Variants in RABGAP1L observed in about 807,000 individuals in gnomAD.
RABGAP1L encodes the protein rab GTPase-activating protein 1-like.
A neutral mutation model predicts 137.7 loss-of-function variants in RABGAP1L; 63 were observed. That is an observed-to-expected ratio of 0.46 (90% CI 0.37 to 0.56). The LOEUF (loss-of-function observed/expected upper bound fraction) is 0.56. RABGAP1L is among the 20% of genes least tolerant of loss of function. The pLI is 0.00. For synonymous variants in RABGAP1L, 431 were observed against 433.7 expected (o/e 0.99, Z 0.08); for missense variants, 1,095 against 1,244.0 (o/e 0.88, Z 1.80).
chr1:174,198,279 C>A (rs945410460), intron 1 of RABGAP1L, among the ~76,000 whole-genome samples: 4 of 152,014 alleles, frequency 2.6e-5, no homozygotes, highest in Admixed American at 2.6e-4. Context: ...TGGTTTAGAT[C>A]TTGTTTATAA....
chr1:174,265,544 GAA>G (rs1048423205), intron 7 of RABGAP1L, among the ~76,000 whole-genome samples: 11 of 104,050 alleles, frequency 1.1e-4, no homozygotes, highest in Admixed American at 2.0e-4. Flanking sequence ...AGCCTGTCTT[GAA>G]AAAAAAAAAA....
In RABGAP1L at chr1:174,250,630, T is replaced by C. The variant is rs755643286; in HGVS notation, c.873T>C (p.Phe291=). 8.1e-6 allele frequency: 13 copies of C among 1,612,334 alleles called. No homozygotes were observed. The highest frequency in any genetic ancestry group is 1.3e-5 in the African/African-American group (1 of 74,864). ...EVKEDDGKGN[F]SPVPKDRDKF... ...AAGAAGACGATGGAAAAGGAAACTT[T>C]AGGTGAGGCATTTGGAAAGATTAAA... The change falls in exon 6 of 26, where the codon TTT becomes TTC. Residue 291 remains phenylalanine, a splice_region_variant and synonymous_variant. Transcript: ENST00000681986.
At chr1:174,587,834 A>G (rs1669237902) in intron 13 of RABGAP1L, among the ~76,000 whole-genome samples, 2 of 152,148 alleles carry the variant, frequency 1.3e-5, no homozygotes, top group African/African-American at 4.8e-5. Flanking sequence ...TGTGTTATAA[A>G]CATTCCAATT....
intron 18 of RABGAP1L, among the ~76,000 whole-genome samples, chr1:174,759,283 TAAAAAAAA>T (rs59159307): frequency 3.8e-5 from 5 of 130,686 alleles, no homozygotes; most frequent in African/African-American, 5.7e-5. Flanking sequence ...GTAATTTATT[TAAAAAAAA>T]AAAAAAAAAA....
rs145006671 is a variant in RABGAP1L, at chr1:174,363,373, G to A, written c.1466-7606G>A. Among the ~76,000 whole-genome samples the A allele has an allele frequency of 7.9e-5, 12 of 152,308 alleles. No homozygotes were observed. In the East Asian group the frequency reaches 2.3e-3, roughly 29 times the overall value. ...GCATTGAATATGTAAATTGCACTGGGCAGTTTGGCCATTTTCACAATATTG... is the reference window on the plus strand; with the variant it reads ...GCATTGAATATGTAAATTGCACTGGACAGTTTGGCCATTTTCACAATATTG... On this transcript the variant is annotated intron_variant, in intron 11 of 25. Transcript: ENST00000681986.
intron 1 of RABGAP1L, among the ~76,000 whole-genome samples, chr1:174,167,292 T>G (rs888077880): frequency 2.0e-5 from 3 of 152,246 alleles, no homozygotes; most frequent in South Asian, 2.1e-4. Context: ...ACCATTTTTT[T>G]TGTGTGTGTG....
chr1:174,326,841 C>T lies in RABGAP1L; in HGVS notation c.1465+21714C>T, dbSNP rs148319084. ...TAACAAATAAGGGAATTTCCATACT[C>T]CTGGAAGCAGGCTTCTCAGCAGAAA... On this transcript the variant is annotated intron_variant, in intron 11 of 25. Transcript: ENST00000681986. Among the ~76,000 whole-genome samples, 180 of 152,228 alleles carry T rather than the reference C, an allele frequency of 1.2e-3. 1 individual carries two copies. Among genetic ancestry groups the T allele is most frequent in the African/African-American group, 4.2e-3 (176 of 41,550 alleles).
chr1:174,787,573 G>T (rs1317957862), intron 18 of RABGAP1L, among the ~76,000 whole-genome samples: 1 of 152,168 alleles, frequency 6.6e-6, no homozygotes, highest in South Asian at 2.1e-4. Context: ...AGGACATTGG[G>T]CATGAGGGGT....
At chr1:174,807,315 A>G (rs1689406339) in intron 18 of RABGAP1L, among the ~76,000 whole-genome samples, 1 of 152,236 alleles carries the variant, frequency 6.6e-6, no homozygotes, top group Non-Finnish European at 1.5e-5. Flanking sequence ...CATGTAGACA[A>G]TACACATACA....
At chr1:174,745,181 G>A (rs1294992548) in intron 17 of RABGAP1L, among the ~76,000 whole-genome samples, 1 of 152,062 alleles carries the variant, frequency 6.6e-6, no homozygotes, top group East Asian at 1.9e-4. Context: ...ATGAAATCTG[G>A]TTCTCCAGGC....
At chr1:174,569,000 A>G (rs747503385) in intron 13 of RABGAP1L, among the ~76,000 whole-genome samples, 8 of 152,220 alleles carry the variant, frequency 5.3e-5, no homozygotes, top group Non-Finnish European at 1.0e-4. Context: ...CTACCATTTC[A>G]TGTTCACAGT....
chr1:174,443,340 A>G (rs1334576949), intron 13 of RABGAP1L, among the ~76,000 whole-genome samples: 2 of 152,006 alleles, frequency 1.3e-5, no homozygotes, highest in African/African-American at 2.4e-5. Flanking sequence ...TTCCCCCAAT[A>G]GTGTATGAGT....
In RABGAP1L at chr1:174,534,192, AAT is replaced by A. The variant is rs1409807253; in HGVS notation, c.1711-103180_1711-103179del. 3.4e-5 allele frequency among the ~76,000 whole-genome samples: 5 copies of A among 146,362 alleles called. No homozygotes were observed. In the Admixed American group the frequency reaches 3.5e-4, roughly 10 times the overall value. On this transcript the variant is annotated intron_variant, in intron 13 of 25. Transcript: ENST00000681986. ...TGTGTGTGTGTGTGTGTCCCTAAAC[AAT>A]ATTTAGCAAGTTGACTGTTTTTAAA... is the stretch of plus-strand genomic sequence containing the variant.
chr1:174,801,601 A>G (rs1223621438), intron 18 of RABGAP1L, among the ~76,000 whole-genome samples: 1 of 152,212 alleles, frequency 6.6e-6, no homozygotes, highest in Non-Finnish European at 1.5e-5. Flanking sequence ...AGTGACTAGC[A>G]TACAATTATA....
chr1:174,362,232 T>C (rs976406026), intron 11 of RABGAP1L, among the ~76,000 whole-genome samples: 2 of 152,232 alleles, frequency 1.3e-5, no homozygotes, highest in African/African-American at 2.4e-5. Context: ...TGAATCGTTT[T>C]GCAGTGAACA....
At chr1:174,644,852 T>G (rs534147591) in intron 14 of RABGAP1L, among the ~76,000 whole-genome samples, 1 of 152,254 alleles carries the variant, frequency 6.6e-6, no homozygotes, top group African/African-American at 2.4e-5. Flanking sequence ...CCTTTCTCCC[T>G]AGAAATAATG....
At chr1:174,266,487 T>C (rs1674085721) in intron 7 of RABGAP1L, among the ~76,000 whole-genome samples, 4 of 152,208 alleles carry the variant, frequency 2.6e-5, no homozygotes, top group Admixed American at 2.6e-4. Context: ...AGTTATGGTA[T>C]ACATTATTTT....
chr1:174,961,009 G>A (rs1054755411), intron 20 of RABGAP1L, among the ~76,000 whole-genome samples: 12 of 152,174 alleles, frequency 7.9e-5, no homozygotes, highest in African/African-American at 2.9e-4. Flanking sequence ...CATAATGACT[G>A]CTTTATAGCC....
Position 174,530,790 on chromosome 1 carries a change from TATACATAC to T in RABGAP1L, c.1711-106544_1711-106537del, listed in dbSNP as rs79486666. ...GTAAGACAATCAAAACCAAGATTTT[TATACATAC>T]ATACATACATACATACATACATACA... is the stretch of plus-strand genomic sequence containing the variant. On this transcript the variant is annotated intron_variant, in intron 13 of 25. Coordinates refer to ENST00000681986, the MANE Select transcript of RABGAP1L (RefSeq NM_001366446.1). 1.0e-3 allele frequency among the ~76,000 whole-genome samples: 149 copies of T among 146,534 alleles called. 1 individual carries two copies. The highest frequency in any genetic ancestry group is 3.5e-3 in the Middle Eastern group (1 of 288).
Sources: gnomAD v4.1 joint callset for allele counts (sites outside exome capture counted in the v4.1 genomes callset) on GRCh38, gnomAD v4.1.1 for gene constraint, MANE v1.5 for transcripts, NCBI Gene and HGNC (gene_info 2026-07-23, HGNC 2026-07-21) for gene names.